Variants in R3HCC1L observed in about 807,000 individuals in gnomAD.
The protein encoded by R3HCC1L is R3H domain and coiled-coil containing 1 like, also known as coiled-coil domain-containing protein R3HCC1L.
In R3HCC1L, 51 loss-of-function variants were observed where a neutral mutation model predicts 59.9. That is an observed-to-expected ratio of 0.85 (90% CI 0.68 to 1.07). The LOEUF (loss-of-function observed/expected upper bound fraction) is 1.07, where lower values mean the gene tolerates loss of function less well. Ranked by LOEUF, R3HCC1L falls within the 50% of genes least tolerant of loss-of-function variation. The pLI, the probability that R3HCC1L is intolerant of heterozygous loss-of-function variation, is 0.00. For synonymous variants in R3HCC1L, 322 were observed against 315.2 expected (o/e 1.02, Z -0.23); for missense variants, 965 against 933.0 (o/e 1.03, Z -0.45).
chr10:98,236,314 TC>T, intron 9 of R3HCC1L, 150 bp downstream of exon 9: 1 of 1,012,608 alleles, frequency 9.9e-7, no homozygotes, highest in Non-Finnish European at 1.4e-6. Context: ...ATGCCTTACG[TC>T]CAGGAGAAGA....
At chr10:98,215,440 A>C (rs1854076062) in intron 5 of R3HCC1L, among the ~76,000 whole-genome samples, 1 of 152,220 alleles carries the variant, frequency 6.6e-6, no homozygotes, top group South Asian at 2.1e-4. Flanking sequence ...ATACATAAAA[A>C]ATGTAGTAAA....
intron 1 of R3HCC1L, among the ~76,000 whole-genome samples, chr10:98,138,633 T>C (rs1429928054): frequency 6.6e-6 from 1 of 152,220 alleles, no homozygotes; most frequent in Admixed American, 6.5e-5. Context: ...TGAGTATGTA[T>C]AGTGGATGCT....
chr10:98,144,773 A>C (rs1269561562), intron 1 of R3HCC1L, among the ~76,000 whole-genome samples: 1 of 152,206 alleles, frequency 6.6e-6, no homozygotes, highest in Non-Finnish European at 1.5e-5. Context: ...TCTGCTACTG[A>C]ATGATCTCTA....
In R3HCC1L at chr10:98,221,555, A is replaced by G. The variant is rs566630247; in HGVS notation, c.1786-9957A>G. On this transcript the variant is annotated intron_variant, in intron 5 of 9. Transcript: ENST00000298999. Reference sequence around the variant, plus strand: ...TAATCCATCTTGAATTGATTTTTGTATAAGGTGTAAGGAAGGGATCCAGTT... The same window carrying G: ...TAATCCATCTTGAATTGATTTTTGTGTAAGGTGTAAGGAAGGGATCCAGTT... 1.4e-4 allele frequency among the ~76,000 whole-genome samples: 21 copies of G among 151,682 alleles called. No individual in the cohort carries two copies. In the East Asian group the frequency reaches 2.9e-3, roughly 21 times the overall value.
intron 1 of R3HCC1L, among the ~76,000 whole-genome samples, chr10:98,138,702 A>C (rs1844833202): frequency 5.3e-5 from 8 of 152,158 alleles, no homozygotes; most frequent in Admixed American, 5.2e-4. Context: ...GTCCTAGGTC[A>C]CTGAGGTGCA....
intron 4 of R3HCC1L, among the ~76,000 whole-genome samples, chr10:98,203,626 G>A (rs187468797): frequency 6.6e-6 from 1 of 152,310 alleles, no homozygotes; most frequent in East Asian, 1.9e-4. Context: ...ATACTCAGTT[G>A]TTGATTGAAG....
rs546769284 is a variant in R3HCC1L at position 98,200,249 on chromosome 10, G to A, written c.-14-7852G>A. Among the ~76,000 whole-genome samples, 7 of 138,494 alleles carry A rather than the reference G, an allele frequency of 5.1e-5. No homozygotes were observed. The South Asian group carries it at 1.8e-3, about 36-fold the overall frequency. 90.9% of individuals were successfully genotyped at this position (138,494 alleles called of 152,430 possible). On this transcript the variant is annotated intron_variant, in intron 4 of 9. Transcript: ENST00000298999. ...TACTGAGTTGCATTGTATTTACTTC[G>A]TGTGATTGAGTATTTACAGCAATAG...
At position 98,209,260 on chromosome 10, in the gene R3HCC1L, T is replaced by TCTAC. The variant is rs1392800052; in HGVS notation, c.1146_1147insCTAC (p.Met383LeufsTer5). The TCTAC allele has an allele frequency of 1.2e-6, 2 of 1,613,166 alleles. No homozygotes were observed. On this transcript the variant is annotated frameshift_variant, in exon 5 of 10. Transcript: ENST00000298999. LOFTEE classifies it high-confidence loss of function. ...AAGCATGTATGATGGACACTACAGG[T>TCTAC]ATGTCCTGTAGTGATCATGTAACTG... is the stretch of plus-strand genomic sequence containing the variant.
At chr10:98,237,320 C>T (rs187864047) in intron 9 of R3HCC1L, among the ~76,000 whole-genome samples, 1 of 152,180 alleles carries the variant, frequency 6.6e-6, no homozygotes, top group East Asian at 1.9e-4. Flanking sequence ...GTCCTTAACC[C>T]TTTGTTAATT....
In R3HCC1L at chr10:98,152,101, C is replaced by A. The variant is rs573122690; in HGVS notation, c.-267-3992C>A. Reference sequence around the variant, plus strand: ...CCGAGTGCCTGCGATTGCAGGCGCGCGCCGCCACGCCTGACTGGTTTTCAT... The same window carrying A: ...CCGAGTGCCTGCGATTGCAGGCGCGAGCCGCCACGCCTGACTGGTTTTCAT... On this transcript the variant is annotated intron_variant, in intron 1 of 9. Coordinates refer to ENST00000298999, the MANE Select transcript of R3HCC1L (RefSeq NM_001351015.2). Among the ~76,000 whole-genome samples, 35 of 152,324 alleles carry A rather than the reference C, an allele frequency of 2.3e-4. No individual in the cohort carries two copies. The East Asian group carries it at 5.2e-3, about 23-fold the overall frequency.
chr10:98,225,154 A>C (rs1855531187), intron 5 of R3HCC1L, among the ~76,000 whole-genome samples: 2 of 152,202 alleles, frequency 1.3e-5, no homozygotes, highest in Non-Finnish European at 2.9e-5. Context: ...TTACATAGCC[A>C]CATGTGACAG....
intron 5 of R3HCC1L, among the ~76,000 whole-genome samples, chr10:98,219,469 A>G (rs1423508701): frequency 6.6e-6 from 1 of 152,060 alleles, no homozygotes; most frequent in Non-Finnish European, 1.5e-5. Context: ...GTAAGGACTT[A>G]TTCCTGTCAT....
intron 4 of R3HCC1L, among the ~76,000 whole-genome samples, chr10:98,203,421 A>C (rs976630710): frequency 6.6e-6 from 1 of 152,224 alleles, no homozygotes; most frequent in African/African-American, 2.4e-5. Context: ...CCCAAATAAA[A>C]TGTTAAGACA....
rs1016861442 is a variant in R3HCC1L, at chr10:98,180,877, C to CT, written c.-15+17488dup. On this transcript the variant is annotated intron_variant, in intron 4 of 9. Coordinates refer to ENST00000298999, the MANE Select transcript of R3HCC1L (RefSeq NM_001351015.2). ...TATGAGACTAGGATTGCAACCCTTG[C>CT]TTTTTTTTGCTTTCCATTTGCTTGG... is the stretch of plus-strand genomic sequence containing the variant. Among the ~76,000 whole-genome samples, 22 of 151,908 alleles carry CT rather than the reference C, an allele frequency of 1.4e-4. No homozygotes were observed. The South Asian group carries it at 4.0e-3, about 27-fold the overall frequency.
intron 5 of R3HCC1L, among the ~76,000 whole-genome samples, chr10:98,210,538 C>T (rs1020026114): frequency 6.6e-6 from 1 of 152,138 alleles, no homozygotes; most frequent in Non-Finnish European, 1.5e-5. Flanking sequence ...AATGTTTACT[C>T]TGTATCCAAC....
chr10:98,149,435 T>C lies in R3HCC1L; in HGVS notation c.-267-6658T>C, dbSNP rs1199308417. Among the ~76,000 whole-genome samples, 6 of 152,314 alleles carry C rather than the reference T, an allele frequency of 3.9e-5. No homozygotes were observed. In the East Asian group the frequency reaches 7.7e-4, roughly 20 times the overall value. On this transcript the variant is annotated intron_variant, in intron 1 of 9. Transcript: ENST00000298999. ...TCTTTTCTAGTTCTTTGAGGCACGT[T>C]ATTAGATTATTTGAAGTCTTTCTGC...
rs779695870 is a variant in R3HCC1L, at chr10:98,209,639, C to T, written c.1525C>T (p.Leu509=). ...VLSDSAVGID[L]GSTGDTTEAL... ...TTCAGACAGTGCCGTGGGCATTGAC[C>T]TGGGTAGTACTGGTGATACAACAGA... The change falls in exon 5 of 10, where the codon CTG becomes TTG. Residue 509 remains leucine (L), a synonymous_variant. Coordinates refer to ENST00000298999, the MANE Select transcript of R3HCC1L (RefSeq NM_001351015.2). 3.4e-5 allele frequency: 55 copies of T among 1,613,832 alleles called. No homozygotes were observed. The South Asian group carries it at 5.4e-4, about 16-fold the overall frequency.
At chr10:98,241,531 T>A (rs970760263) in intron 9 of R3HCC1L, among the ~76,000 whole-genome samples, 1 of 152,218 alleles carries the variant, frequency 6.6e-6, no homozygotes, top group Admixed American at 6.5e-5. Context: ...AATTTTCTAT[T>A]TTTTCTTAAT....
intron 4 of R3HCC1L, among the ~76,000 whole-genome samples, chr10:98,169,521 C>T (rs1344796866): frequency 6.6e-6 from 1 of 152,182 alleles, no homozygotes. Context: ...TCTTCCTCTA[C>T]TACTACTAAA....
Sources: allele counts gnomAD v4.1 joint callset (sites outside exome capture counted in the v4.1 genomes callset), GRCh38; gene constraint gnomAD v4.1.1; transcripts MANE v1.5; gene names NCBI Gene and HGNC (gene_info 2026-07-23, HGNC 2026-07-21).